The following GNAQ variants were observed in gnomAD, a reference collection of about 807,000 sequenced individuals.
The protein encoded by GNAQ is guanine nucleotide-binding protein G(q) subunit alpha.
Under a neutral mutation model 43.9 loss-of-function variants are expected in GNAQ, and 8 were observed. That is an observed-to-expected ratio of 0.18 (90% confidence interval 0.11 to 0.33). The LOEUF is 0.33. GNAQ is among the 10% of genes least tolerant of loss of function. The pLI is 1.00. For synonymous variants in GNAQ, 155 were observed against 170.7 expected, an observed-to-expected ratio of 0.91 and a Z score of 0.71; for missense variants, 158 against 450.8, an observed-to-expected ratio of 0.35 and a Z score of 5.88.
Position 77,781,764 on chromosome 9 carries a change from C to T in GNAQ, c.735+12699G>A, listed in dbSNP as rs1345254532. Among the ~76,000 whole-genome samples the T allele has an allele frequency of 1.3e-5, 2 of 151,976 alleles. 1 individual carries two copies. Among genetic ancestry groups the T allele is most frequent in the Non-Finnish European group, 2.9e-5 (2 of 67,936 alleles). ...CAGGTCAATAGGCTAAGAAAAAAAT[C>T]ATAGGGTCATATCAACAGATGCAGA... On this transcript the variant is annotated intron_variant, in intron 5 of 6. Coordinates refer to ENST00000286548, the MANE Select transcript of GNAQ (RefSeq NM_002072.5).
intron 1 of GNAQ, among the ~76,000 whole-genome samples, chr9:78,017,877 A>T (rs1823858549): frequency 6.6e-6 from 1 of 152,192 alleles, no homozygotes; most frequent in Admixed American, 6.5e-5. Flanking sequence ...GGAAATGATC[A>T]TTCTCACTAA....
chr9:77,997,095 C>G (rs950924592), intron 1 of GNAQ, among the ~76,000 whole-genome samples: 57 of 152,296 alleles, frequency 3.7e-4, no homozygotes, highest in Admixed American at 1.4e-3. Flanking sequence ...TCTTTTATCA[C>G]AGAGAAAATA....
chr9:77,874,353 G>A (rs889957453), intron 2 of GNAQ, among the ~76,000 whole-genome samples: 9 of 152,000 alleles, frequency 5.9e-5, no homozygotes, highest in African/African-American at 2.2e-4. Flanking sequence ...ATGAACTCTT[G>A]GGGCACTGGC....
chr9:77,811,715 G>A (rs970175240), intron 3 of GNAQ, among the ~76,000 whole-genome samples: 2 of 152,134 alleles, frequency 1.3e-5, no homozygotes, highest in South Asian at 2.1e-4. Flanking sequence ...CTACTAAGAC[G>A]GTGAAGAATA....
chr9:77,903,786 A>G (rs1038891879), intron 2 of GNAQ, among the ~76,000 whole-genome samples: 3 of 152,122 alleles, frequency 2.0e-5, no homozygotes, highest in Non-Finnish European at 2.9e-5. Context: ...AGTGGAGAGA[A>G]AAAAAATGCT....
In GNAQ at chr9:77,758,695, T is replaced by A. The variant is rs189545647; in HGVS notation, c.736-30028A>T. ...ATGGTAGCACATGTATTGCCTATAC[T>A]TTGCTTTTTTCAATTAACATGCTTT... On this transcript the variant is annotated intron_variant, in intron 5 of 6. Transcript: ENST00000286548. Among the ~76,000 whole-genome samples, 10 of 152,314 alleles carry A rather than the reference T, an allele frequency of 6.6e-5. No individual in the cohort carries two copies. The East Asian group carries it at 1.7e-3, about 26-fold the overall frequency.
intron 1 of GNAQ, among the ~76,000 whole-genome samples, chr9:77,984,048 GCAAAAA>G (rs1228719910): frequency 1.2e-4 from 3 of 24,712 alleles, no homozygotes; most frequent in African/African-American, 6.2e-4. Context: ...ATTTTGGAGA[GCAAAAA>G]AAAAAAAAAA....
chr9:77,988,056 A>G (rs866163429), intron 1 of GNAQ, among the ~76,000 whole-genome samples: 7 of 152,260 alleles, frequency 4.6e-5, no homozygotes, highest in African/African-American at 7.2e-5. Flanking sequence ...GTTGGACCTC[A>G]AGGTCAAAGT....
intron 2 of GNAQ, among the ~76,000 whole-genome samples, chr9:77,906,604 T>A (rs1164829000): frequency 1.3e-5 from 2 of 152,250 alleles, no homozygotes; most frequent in Admixed American, 1.3e-4. Context: ...TATAAGTCCA[T>A]ACTCTCTTAC....
intron 2 of GNAQ, among the ~76,000 whole-genome samples, chr9:77,876,044 C>T (rs1044109909): frequency 6.6e-6 from 1 of 152,296 alleles, no homozygotes; most frequent in Middle Eastern, 3.4e-3. Context: ...TAAAAAGACA[C>T]TTGATATTGT....
chr9:77,856,522 T>C (rs761134836), intron 2 of GNAQ, among the ~76,000 whole-genome samples: 14 of 152,280 alleles, frequency 9.2e-5, no homozygotes, highest in Non-Finnish European at 1.8e-4. Flanking sequence ...TCATACACAA[T>C]AGTTTACAAT....
intron 2 of GNAQ, among the ~76,000 whole-genome samples, chr9:77,828,113 A>AGCTGGTAT (rs1393375250): frequency 7.0e-6 from 1 of 142,094 alleles, no homozygotes; most frequent in Non-Finnish European, 1.5e-5. Context: ...GTGAAAACAG[A>AGCTGGTAT]GCTGGTATGG....
chr9:77,718,993 G>A lies in GNAQ; in HGVS notation c.*2330C>T, dbSNP rs1048364443. ...GTTTCCATGTTTGTATAAAAGCTCC[G>A]ACTGATTTTATGTATTTTGCTATGA... On this transcript the variant is annotated 3_prime_UTR_variant, in exon 7 of 7. Coordinates refer to ENST00000286548, the MANE Select transcript of GNAQ (RefSeq NM_002072.5). The A allele has an allele frequency of 4.3e-5, 10 of 231,790 alleles. No individual in the cohort carries two copies. The highest frequency in any genetic ancestry group is 6.8e-5 in the Non-Finnish European group (8 of 117,400). The allele number at this position is 231,790 out of a possible 1,614,324, so 14.4% of individuals were successfully genotyped here. A position where few individuals can be genotyped will look rare whatever the true frequency, so the allele number is the denominator to read the frequency against.
intron 1 of GNAQ, among the ~76,000 whole-genome samples, chr9:77,972,189 A>G (rs1450679853): frequency 1.3e-5 from 2 of 152,204 alleles, no homozygotes; most frequent in Admixed American, 1.3e-4. Flanking sequence ...CAAAATCATT[A>G]GTATTTGGGG....
rs143540992 is a variant in GNAQ, at chr9:77,920,975, C to T, written c.321+1186G>A. ...ACTTTGTGAGTTAAATCTATGAGTC[C>T]CACTGGACATTGCAACTTCTTGCTA... is the stretch of plus-strand genomic sequence containing the variant. On this transcript the variant is annotated intron_variant, in intron 2 of 6. Coordinates refer to ENST00000286548, the MANE Select transcript of GNAQ (RefSeq NM_002072.5). Among the ~76,000 whole-genome samples, 678 of 152,224 alleles carry T rather than the reference C, an allele frequency of 4.5e-3. 3 individuals carry two copies. The highest frequency in any genetic ancestry group is 5.4e-3 in the Non-Finnish European group (369 of 68,016).
chr9:77,842,888 G>A (rs1378434731), intron 2 of GNAQ, among the ~76,000 whole-genome samples: 1 of 152,158 alleles, frequency 6.6e-6, no homozygotes, highest in East Asian at 1.9e-4. Context: ...CATTAATAGA[G>A]GCACATGATC....
chr9:77,765,495 C>T (rs992772737), intron 5 of GNAQ, among the ~76,000 whole-genome samples: 2 of 152,220 alleles, frequency 1.3e-5, no homozygotes, highest in Non-Finnish European at 2.9e-5. Flanking sequence ...GTTATATAAA[C>T]GGCCAACGAA....
intron 2 of GNAQ, among the ~76,000 whole-genome samples, chr9:77,833,625 T>C (rs186695891): frequency 2.0e-4 from 30 of 152,250 alleles, no homozygotes; most frequent in Non-Finnish European, 3.2e-4. Flanking sequence ...ATGCTTGTGC[T>C]GAAGATAAAG....
intron 1 of GNAQ, among the ~76,000 whole-genome samples, chr9:77,932,150 C>T (rs967690737): frequency 6.6e-6 from 1 of 152,176 alleles, no homozygotes; most frequent in African/African-American, 2.4e-5. Flanking sequence ...CTTTTATTCA[C>T]CTTATCTAGT....
Sources: allele counts gnomAD v4.1 joint callset (sites outside exome capture counted in the v4.1 genomes callset), GRCh38; gene constraint gnomAD v4.1.1; transcripts MANE v1.5; gene names NCBI Gene and HGNC (gene_info 2026-07-23, HGNC 2026-07-21).